The following LUC7L2 variants were observed in gnomAD, a reference collection of about 807,000 sequenced individuals.
The protein encoded by LUC7L2 is putative RNA-binding protein Luc7-like 2.
In LUC7L2, 25 loss-of-function variants were observed where a neutral mutation model predicts 52.8. The ratio of observed to expected loss-of-function variants is 0.47; its 90% CI spans 0.34 to 0.66. The LOEUF is 0.66. LUC7L2 is among the 30% of genes least tolerant of loss of function. The pLI is 0.01. For missense variants in LUC7L2, 328 were observed against 497.8 expected (o/e 0.66, Z 3.25); for synonymous variants, 144 against 160.9 (o/e 0.89, Z 0.80).
At chr7:139,349,021 A>ACATTGTAG (rs1554485674) in intron 1 of LUC7L2, among the ~76,000 whole-genome samples, 1 of 151,448 alleles carries the variant, frequency 6.6e-6, no homozygotes, top group African/African-American at 2.4e-5. Flanking sequence ...AACTAGCCAG[A>ACATTGTAG]CACACGCAAG....
intron 5 of LUC7L2, 87 bp from the exon 6 acceptor site, chr7:139,407,087 C>A: frequency 4.5e-6 from 5 of 1,119,540 alleles, no homozygotes; most frequent in Non-Finnish European, 3.3e-6. Flanking sequence ...TTAGAAAACA[C>A]TTTTGGTATA....
At chr7:139,399,355 A>G (rs1187810960) in intron 3 of LUC7L2, among the ~76,000 whole-genome samples, 1 of 148,678 alleles carries the variant, frequency 6.7e-6, no homozygotes, top group Non-Finnish European at 1.5e-5. Context: ...ACCATTTTAT[A>G]TTAAACGTGC....
At chr7:139,386,823 C>T (rs1794222621) in intron 2 of LUC7L2, among the ~76,000 whole-genome samples, 1 of 151,968 alleles carries the variant, frequency 6.6e-6, no homozygotes, top group African/African-American at 2.4e-5. Flanking sequence ...TTTACTTTAA[C>T]CTATATAGGA....
At position 139,376,342 on chromosome 7, in the gene LUC7L2, C is replaced by T. The variant is rs187965172; in HGVS notation, c.156+186C>T. On this transcript the variant is annotated intron_variant, in intron 2 of 9. Coordinates refer to ENST00000354926, the MANE Select transcript of LUC7L2 (RefSeq NM_016019.5). Reference sequence around the variant, plus strand: ...GGTTTCCTCACAAAAGTGGTTGATACGTTTTGTTTTATAATTTTTTCCATT... The same window carrying T: ...GGTTTCCTCACAAAAGTGGTTGATATGTTTTGTTTTATAATTTTTTCCATT... Among the ~76,000 whole-genome samples the T allele has an allele frequency of 9.2e-5, 14 of 152,018 alleles. No individual in the cohort carries two copies. The East Asian group carries it at 2.1e-3, about 23-fold the overall frequency.
At chr7:139,373,395 A>G (rs1385752629) in intron 1 of LUC7L2, among the ~76,000 whole-genome samples, 1 of 152,186 alleles carries the variant, frequency 6.6e-6, no homozygotes, top group East Asian at 1.9e-4. Flanking sequence ...TTATTATTTC[A>G]TTGTTTTAAA....
chr7:139,394,123 A>G (rs1325516232), intron 2 of LUC7L2, among the ~76,000 whole-genome samples: 1 of 152,156 alleles, frequency 6.6e-6, no homozygotes, highest in Non-Finnish European at 1.5e-5. Context: ...AGCAAAAGAG[A>G]TAATCCAAGG....
intron 4 of LUC7L2, among the ~76,000 whole-genome samples, chr7:139,405,173 C>T (rs1795066196): frequency 1.3e-5 from 2 of 152,206 alleles, no homozygotes; most frequent in South Asian, 2.1e-4. Context: ...AGAAATGGCC[C>T]TTGAGTTGTA....
intron 2 of LUC7L2, among the ~76,000 whole-genome samples, chr7:139,376,498 T>G (rs1257077071): frequency 6.6e-6 from 1 of 152,242 alleles, no homozygotes; most frequent in Non-Finnish European, 1.5e-5. Flanking sequence ...GAGTAGACTT[T>G]TATCTAGTAC....
chr7:139,392,027 C>T (rs1415359209), intron 2 of LUC7L2, among the ~76,000 whole-genome samples: 2 of 152,116 alleles, frequency 1.3e-5, no homozygotes, highest in Admixed American at 1.3e-4. Context: ...TCTTTCTTTG[C>T]CACCTTCTCT....
chr7:139,418,591 T>TTA (rs1795734021), intron 9 of LUC7L2, among the ~76,000 whole-genome samples: 1 of 152,340 alleles, frequency 6.6e-6, no homozygotes, highest in Admixed American at 6.5e-5. Flanking sequence ...CAGAAAGCTG[T>TTA]TAAAATCTTT....
At chr7:139,341,215 C>T in intron 1 of LUC7L2, 3 of 1,239,340 alleles carry the variant, frequency 2.4e-6, no homozygotes, top group Non-Finnish European at 3.2e-6. Flanking sequence ...GCCCCTGGGC[C>T]TTCGATTAAT....
intron 2 of LUC7L2, among the ~76,000 whole-genome samples, chr7:139,392,917 G>C (rs1383467027): frequency 6.6e-6 from 1 of 151,472 alleles, no homozygotes; most frequent in Non-Finnish European, 1.5e-5. Context: ...GCCTCACAAA[G>C]TGCTGGAATT....
At chr7:139,382,423 C>G (rs917897805) in intron 2 of LUC7L2, among the ~76,000 whole-genome samples, 1 of 151,384 alleles carries the variant, frequency 6.6e-6, no homozygotes, top group Non-Finnish European at 1.5e-5. Context: ...CTCCCTGTCA[C>G]CCAGGCTGGA....
exon 1 of LUC7L2, chr7:139,340,483 C>T (rs994717671): frequency 7.5e-6 from 3 of 398,452 alleles, no homozygotes; most frequent in Admixed American, 8.8e-5. Context: ...TGCGCGCGCC[C>T]GTTCAACGTC....
intron 4 of LUC7L2, among the ~76,000 whole-genome samples, chr7:139,404,487 C>T (rs575607066): frequency 3.1e-3 from 474 of 152,182 alleles, no homozygotes; most frequent in African/African-American, 0.011. Flanking sequence ...CCAGCCTGGG[C>T]GACAGAGCAA....
At chr7:139,397,640 C>T (rs1794720349) in intron 2 of LUC7L2, among the ~76,000 whole-genome samples, 1 of 152,216 alleles carries the variant, frequency 6.6e-6, no homozygotes, top group Non-Finnish European at 1.5e-5. Flanking sequence ...ACCGATTAAT[C>T]ATACCTGTAA....
At chr7:139,386,669 G>T (rs769272220) in intron 2 of LUC7L2, among the ~76,000 whole-genome samples, 2 of 151,734 alleles carry the variant, frequency 1.3e-5, no homozygotes, top group East Asian at 3.9e-4. Flanking sequence ...GCCTCCCAAA[G>T]TGCTGGGATT....
chr7:139,403,585 A>G (rs529763485), intron 4 of LUC7L2, among the ~76,000 whole-genome samples: 1 of 152,100 alleles, frequency 6.6e-6, no homozygotes, highest in Non-Finnish European at 1.5e-5. Flanking sequence ...CTAGTATCTC[A>G]TGGTTGGAAG....
chr7:139,381,394 TTTA>T (rs1362025682), intron 2 of LUC7L2, among the ~76,000 whole-genome samples: 1 of 114,746 alleles, frequency 8.7e-6, no homozygotes, highest in Non-Finnish European at 1.9e-5. Flanking sequence ...TATTTTTTAT[TTTA>T]TTTTATTTTA....
Sources: gnomAD v4.1 joint callset for allele counts (sites outside exome capture counted in the v4.1 genomes callset) on GRCh38, gnomAD v4.1.1 for gene constraint, MANE v1.5 for transcripts, NCBI Gene and HGNC (gene_info 2026-07-23, HGNC 2026-07-21) for gene names.